The following IKZF1 variants were observed in gnomAD, a reference collection of about 807,000 sequenced individuals.
The protein encoded by IKZF1 is IKAROS family zinc finger 1, also known as DNA-binding protein Ikaros.
Under a neutral mutation model 51.7 loss-of-function variants are expected in IKZF1, and 10 were observed. That is an observed-to-expected ratio of 0.19 (90% CI 0.12 to 0.33). The LOEUF is 0.33. Among genes scored for constraint, IKZF1 ranks in the 10% least tolerant of loss-of-function variants. The probability of loss-of-function intolerance (pLI) is 1.00; values close to 1 mark genes in which losing one functional copy is unlikely to be tolerated. For synonymous variants in IKZF1, 280 were observed against 282.3 expected (o/e 0.99, Z 0.08); for missense variants, 484 against 707.5 (o/e 0.68, Z 3.58).
At chr7:50,319,854 G>C (rs1283555583) in intron 2 of IKZF1, among the ~76,000 whole-genome samples, 1 of 152,238 alleles carries the variant, frequency 6.6e-6, no homozygotes. Context: ...AAAGTTCTCA[G>C]TGGCACCTTG....
chr7:50,359,215 C>G (rs1054649067), intron 3 of IKZF1, among the ~76,000 whole-genome samples: 13 of 152,088 alleles, frequency 8.5e-5, no homozygotes, highest in Non-Finnish European at 1.3e-4. Flanking sequence ...GAGCTGTGAT[C>G]GAGCCACTGC....
chr7:50,348,978 G>A (rs943244898), intron 3 of IKZF1, among the ~76,000 whole-genome samples: 11 of 152,210 alleles, frequency 7.2e-5, no homozygotes, highest in Admixed American at 1.3e-4. Context: ...GCCTAGAGGT[G>A]GCAGGTGCTA....
intron 1 of IKZF1, among the ~76,000 whole-genome samples, chr7:50,309,735 TTTG>T: frequency 6.6e-6 from 1 of 152,348 alleles, no homozygotes; most frequent in African/African-American, 2.4e-5. Context: ...TTGACAAATT[TTTG>T]TTGTTATACC....
Position 50,387,329 on chromosome 7 carries a change from A to C in IKZF1, c.590-16A>C. 1 of 1,612,010 alleles carries C rather than the reference A, an allele frequency of 6.2e-7. No individual in the cohort carries two copies. On this transcript the variant is annotated splice_polypyrimidine_tract_variant and intron_variant, in intron 5 of 7. Transcript: ENST00000331340. ...GCATTTAATTGGGGTCTTGAACTCA[A>C]TTGTGTTTTCTGCAGTTGGTAAACC...
chr7:50,351,817 T>C (rs1309651202), intron 3 of IKZF1, among the ~76,000 whole-genome samples: 1 of 152,220 alleles, frequency 6.6e-6, no homozygotes, highest in East Asian at 1.9e-4. Context: ...TTGTGTATTT[T>C]AACACTTTTG....
At chr7:50,368,018 C>A (rs1178278425) in intron 3 of IKZF1, 1 of 698,946 alleles carries the variant, frequency 1.4e-6, no homozygotes, top group African/African-American at 1.7e-5. Flanking sequence ...ACATATGGGG[C>A]TGATGACTTT....
At chr7:50,334,755 G>A (rs972210782) in intron 3 of IKZF1, among the ~76,000 whole-genome samples, 1 of 150,728 alleles carries the variant, frequency 6.6e-6, no homozygotes, top group East Asian at 2.0e-4. Flanking sequence ...TGGGATATGC[G>A]GTGTGTATGT....
At chr7:50,381,428 C>T (rs1475737497) in intron 4 of IKZF1, among the ~76,000 whole-genome samples, 1 of 152,186 alleles carries the variant, frequency 6.6e-6, no homozygotes, top group South Asian at 2.1e-4. Context: ...TTTACTTAAA[C>T]GTGACAAATG....
At position 50,400,634 on chromosome 7, in the gene IKZF1, C is replaced by T. The variant is rs1388998140; in HGVS notation, c.*7C>T. The T allele has an allele frequency of 1.9e-6, 3 of 1,601,974 alleles. No individual in the cohort carries two copies. Among genetic ancestry groups the T allele is most frequent in the Non-Finnish European group, 1.7e-6 (2 of 1,178,342 alleles). ...CCGCTTCCACATGAGCTAAAGCCCT[C>T]CCGCGCCCCCACCCCAGACCCCGAG... On this transcript the variant is annotated 3_prime_UTR_variant, in exon 8 of 8. Coordinates refer to ENST00000331340, the MANE Select transcript of IKZF1 (RefSeq NM_006060.6). This position sits in a 1 kb window ranked among gnomAD's most constrained non-coding sequence, Gnocchi z 5.4.
chr7:50,327,917 T>C (rs1458610514), intron 3 of IKZF1, 160 bp downstream of exon 3: 1 of 835,612 alleles, frequency 1.2e-6, no homozygotes, highest in Non-Finnish European at 1.8e-6. Context: ...GGGGGTCCTC[T>C]GGTGTGTGGG....
At chr7:50,391,496 G>T (rs1815044105) in intron 6 of IKZF1, among the ~76,000 whole-genome samples, 1 of 152,206 alleles carries the variant, frequency 6.6e-6, no homozygotes, top group Non-Finnish European at 1.5e-5. Flanking sequence ...ACTTAAAGAG[G>T]ATGATGTGTG....
At chr7:50,350,168 A>G (rs375305446) in intron 3 of IKZF1, among the ~76,000 whole-genome samples, 1 of 152,148 alleles carries the variant, frequency 6.6e-6, no homozygotes, top group South Asian at 2.1e-4. Context: ...CCGGCTGCCC[A>G]CTCTCTGACC....
At chr7:50,311,461 CCAAT>C (rs1325562560) in intron 1 of IKZF1, among the ~76,000 whole-genome samples, 2 of 152,038 alleles carry the variant, frequency 1.3e-5, no homozygotes, top group Non-Finnish European at 2.9e-5. Context: ...CCTCAGTGGG[CCAAT>C]CAATCAATCA....
intron 3 of IKZF1, among the ~76,000 whole-genome samples, chr7:50,365,059 C>T (rs1353808764): frequency 6.6e-6 from 1 of 152,182 alleles, no homozygotes; most frequent in Non-Finnish European, 1.5e-5. Flanking sequence ...AGCTGCAGTA[C>T]CTTACACATC....
intron 3 of IKZF1, among the ~76,000 whole-genome samples, chr7:50,338,143 T>C: frequency 6.6e-6 from 1 of 152,328 alleles, no homozygotes; most frequent in African/African-American, 2.4e-5. Context: ...AAACCTTGCA[T>C]TTTCAACCAT....
intron 2 of IKZF1, among the ~76,000 whole-genome samples, chr7:50,321,792 T>C (rs1793408696): frequency 6.6e-6 from 1 of 152,208 alleles, no homozygotes; most frequent in Admixed American, 6.5e-5. Flanking sequence ...GGTAGTTTTC[T>C]TGTCTTTACC....
chr7:50,341,136 G>T (rs1196355836), intron 3 of IKZF1, among the ~76,000 whole-genome samples: 1 of 134,340 alleles, frequency 7.4e-6, no homozygotes, highest in East Asian at 2.2e-4. Flanking sequence ...TAAATGTTGG[G>T]TATGGAGTCT....
At chr7:50,368,200 CA>C in intron 3 of IKZF1, 4 of 703,118 alleles carry the variant, frequency 5.7e-6, no homozygotes, top group Non-Finnish European at 7.8e-6. Flanking sequence ...AGACACCTAC[CA>C]TATCATTTTT....
chr7:50,339,014 T>C (rs1052988407), intron 3 of IKZF1, among the ~76,000 whole-genome samples: 24,979 of 152,190 alleles, frequency 0.16, 2,322 homozygotes, highest in African/African-American at 0.26. Flanking sequence ...ATCTGCCAGG[T>C]TGTTGGTAAA....
Sources: allele counts gnomAD v4.1 joint callset (sites outside exome capture counted in the v4.1 genomes callset), GRCh38; gene constraint gnomAD v4.1.1; non-coding constraint Gnocchi (gnomAD v3.1); transcripts MANE v1.5; gene names NCBI Gene and HGNC (gene_info 2026-07-23, HGNC 2026-07-21).